Variants in GDA observed in about 807,000 individuals in gnomAD.
The protein encoded by GDA is cytoplasmic PSD-95 interactor.
Under a neutral mutation model 59.6 loss-of-function variants are expected in GDA, and 18 were observed. That is an observed-to-expected ratio of 0.30 (90% CI 0.21 to 0.45). GDA has a LOEUF of 0.45. Ranked by LOEUF, GDA falls within the 20% of genes least tolerant of loss-of-function variation. GDA has a pLI of 1.00. For synonymous variants in GDA, 201 were observed against 201.1 expected (o/e 1.00, Z 0.00); for missense variants, 427 against 552.3 (o/e 0.77, Z 2.27).
intron 13 of GDA, among the ~76,000 whole-genome samples, chr9:72,247,862 C>G (rs537905906): frequency 6.6e-6 from 1 of 152,214 alleles, no homozygotes; most frequent in African/African-American, 2.4e-5. Context: ...ACACTGCCTC[C>G]CATTCTGTTC....
At chr9:72,236,574 C>A (rs1158128646) in intron 10 of GDA, among the ~76,000 whole-genome samples, 1 of 152,050 alleles carries the variant, frequency 6.6e-6, no homozygotes, top group African/African-American at 2.4e-5. Context: ...ACAACAAAAC[C>A]CTTCTTCCAA....
At chr9:72,136,882 G>C (rs1319427307) in intron 1 of GDA, among the ~76,000 whole-genome samples, 1 of 152,110 alleles carries the variant, frequency 6.6e-6, no homozygotes, top group African/African-American at 2.4e-5. Context: ...GGCTGAGGCA[G>C]GAGAATGGCG....
At position 72,178,255 on chromosome 9, in the gene GDA, TCA is replaced by T. The variant is rs373504810; in HGVS notation, c.124-17242_124-17241del. Among the ~76,000 whole-genome samples, 682 of 152,320 alleles carry T rather than the reference TCA, an allele frequency of 4.5e-3. 6 individuals carry two copies. Among genetic ancestry groups the T allele is most frequent in the African/African-American group, 0.015 (643 of 41,556 alleles). The stretch of plus-strand genomic sequence containing the variant: ...CTAAGTTTGCACTTTATTCAATTAC[TCA>T]CAGTTAATATACCATGGTAATTGAT... On this transcript the variant is annotated intron_variant, in intron 1 of 13. Transcript: ENST00000358399.
chr9:72,134,753 A>G (rs1784367515), intron 1 of GDA, among the ~76,000 whole-genome samples: 1 of 152,160 alleles, frequency 6.6e-6, no homozygotes, highest in South Asian at 2.1e-4. Context: ...CTGCCTCAAA[A>G]TTTATTGGGA....
chr9:72,195,463 A>T (rs373364308), intron 1 of GDA, 37 bp from the exon 2 acceptor site: 6 of 857,304 alleles, frequency 7.0e-6, no homozygotes, highest in African/African-American at 3.4e-5. Context: ...TGACTCACTA[A>T]TATGTGTTTC....
intron 6 of GDA, among the ~76,000 whole-genome samples, chr9:72,220,533 G>A (rs1483109331): frequency 6.6e-6 from 1 of 152,054 alleles, no homozygotes; most frequent in Non-Finnish European, 1.5e-5. Context: ...ATTTTTATTA[G>A]GACAATCTCA....
chr9:72,207,354 C>T (rs1260664890), intron 3 of GDA, among the ~76,000 whole-genome samples: 1 of 152,172 alleles, frequency 6.6e-6, no homozygotes, highest in African/African-American at 2.4e-5. Flanking sequence ...TTCTTTCACA[C>T]TACATTCTTA....
At chr9:72,142,572 C>CAA (rs531381103) in intron 1 of GDA, among the ~76,000 whole-genome samples, 2 of 135,150 alleles carry the variant, frequency 1.5e-5, no homozygotes, top group Non-Finnish European at 1.6e-5. Context: ...GACTCCATCT[C>CAA]AAAAAAAAAA....
intron 1 of GDA, among the ~76,000 whole-genome samples, chr9:72,179,652 G>T (rs1830942149): frequency 6.6e-6 from 1 of 152,186 alleles, no homozygotes; most frequent in African/African-American, 2.4e-5. Context: ...TCCCAGGGCT[G>T]CTGTAATGAA....
At chr9:72,167,462 G>A (rs1368112859) in intron 1 of GDA, among the ~76,000 whole-genome samples, 1 of 152,090 alleles carries the variant, frequency 6.6e-6, no homozygotes, top group Non-Finnish European at 1.5e-5. Context: ...AGTTTGATGA[G>A]CATACATTTA....
chr9:72,175,415 C>T (rs1830436035), intron 1 of GDA, among the ~76,000 whole-genome samples: 1 of 152,154 alleles, frequency 6.6e-6, no homozygotes, highest in South Asian at 2.1e-4. Context: ...GTCTCATTCT[C>T]TGGAACGGAA....
chr9:72,181,963 T>C (rs527880040), intron 1 of GDA, among the ~76,000 whole-genome samples: 3 of 152,294 alleles, frequency 2.0e-5, no homozygotes, highest in African/African-American at 7.2e-5. Context: ...AGTGCTAATA[T>C]TTTACAAAAT....
chr9:72,220,404 C>G (rs954256821), intron 6 of GDA, among the ~76,000 whole-genome samples: 9 of 152,144 alleles, frequency 5.9e-5, no homozygotes, highest in African/African-American at 1.9e-4. Context: ...TTGCTTTATT[C>G]TTAAAATTGT....
chr9:72,256,162 AT>A (rs1447733547), downstream of GDA, among the ~76,000 whole-genome samples: 3 of 152,234 alleles, frequency 2.0e-5, no homozygotes, highest in Non-Finnish European at 4.4e-5. Context: ...TTTTTGAAAG[AT>A]TTAAAAATGG....
At chr9:72,138,803 C>T (rs1279137622) in intron 1 of GDA, among the ~76,000 whole-genome samples, 2 of 152,130 alleles carry the variant, frequency 1.3e-5, no homozygotes, top group Non-Finnish European at 2.9e-5. Flanking sequence ...ATATACAAGG[C>T]GCTCAACAAA....
intron 1 of GDA, among the ~76,000 whole-genome samples, chr9:72,123,337 C>G (rs1825733831): frequency 6.6e-6 from 1 of 151,820 alleles, no homozygotes; most frequent in Non-Finnish European, 1.5e-5. Flanking sequence ...GCACCCGCCA[C>G]CACACCTGGC....
intron 1 of GDA, among the ~76,000 whole-genome samples, chr9:72,170,411 T>TAACTAG (rs1278779198): frequency 1.3e-5 from 2 of 152,202 alleles, no homozygotes; most frequent in African/African-American, 4.8e-5. Context: ...TCTTAGCACA[T>TAACTAG]AACTAGATTT....
intron 5 of GDA, among the ~76,000 whole-genome samples, chr9:72,218,660 C>T (rs1233095299): frequency 6.6e-6 from 1 of 152,202 alleles, no homozygotes; most frequent in Admixed American, 6.5e-5. Context: ...CCAACTCTCG[C>T]CTTTTCCTTC....
chr9:72,217,450 C>T (rs1270278430), intron 5 of GDA, among the ~76,000 whole-genome samples: 2 of 152,222 alleles, frequency 1.3e-5, no homozygotes, highest in Non-Finnish European at 2.9e-5. Context: ...GATGTATTAA[C>T]ACACTGCGTC....
Sources: gnomAD v4.1 joint callset for allele counts (sites outside exome capture counted in the v4.1 genomes callset) on GRCh38, gnomAD v4.1.1 for gene constraint, MANE v1.5 for transcripts, NCBI Gene and HGNC (gene_info 2026-07-23, HGNC 2026-07-21) for gene names.